ACSF3: variants seen among roughly 807,000 people sequenced by gnomAD.
The protein encoded by ACSF3 is malonate--CoA ligase ACSF3, mitochondrial.
In ACSF3, 78 loss-of-function variants were observed where a neutral mutation model predicts 53.2. The ratio of observed to expected loss-of-function variants is 1.47; its 90% CI spans 1.22 to 1.77. The LOEUF (loss-of-function observed/expected upper bound fraction) is 1.77, where lower values mean the gene tolerates loss of function less well. Ranked by LOEUF, ACSF3 falls within the 40% of genes most tolerant of loss-of-function variation. The probability of loss-of-function intolerance (pLI) is 0.00; values close to 1 mark genes in which losing one functional copy is unlikely to be tolerated. For missense variants in ACSF3, 937 were observed against 771.1 expected (o/e 1.22, Z -2.55); for synonymous variants, 414 against 333.1 (o/e 1.24, Z -2.65).
intron 1 of ACSF3, among the ~76,000 whole-genome samples, chr16:89,094,570 G>C (rs1475621131): frequency 6.6e-6 from 1 of 152,194 alleles, no homozygotes; most frequent in African/African-American, 2.4e-5. Context: ...GGTGCAGTCA[G>C]GAGTTGATGT....
chr16:89,100,547 T>C (rs1272733099), intron 2 of ACSF3, 115 bp from the exon 3 acceptor site: 3 of 1,058,824 alleles, frequency 2.8e-6, no homozygotes, highest in Non-Finnish European at 4.1e-6. Context: ...GCCTCATGAC[T>C]GAAGGTGCAG....
chr16:89,101,408 G>C (rs1463556708), intron 3 of ACSF3, 61 bp downstream of exon 3: 2 of 1,547,802 alleles, frequency 1.3e-6, no homozygotes, highest in Admixed American at 2.0e-5. Flanking sequence ...GGTGGGCTCC[G>C]GGCCAGAAGC....
intron 8 of ACSF3, among the ~76,000 whole-genome samples, chr16:89,134,488 G>A (rs1224603484): frequency 6.6e-6 from 1 of 152,192 alleles, no homozygotes; most frequent in Non-Finnish European, 1.5e-5. Context: ...TCAGCGGCGG[G>A]TCTGCAACGG....
At position 89,119,804 on chromosome 16, in the gene ACSF3, G is replaced by A. The variant is rs929214716; in HGVS notation, c.1127-997G>A. Among the ~76,000 whole-genome samples the A allele has an allele frequency of 1.4e-3, 219 of 152,296 alleles. 2 individuals carry two copies. Among genetic ancestry groups the A allele is most frequent in the African/African-American group, 4.8e-3 (201 of 41,570 alleles). ...GATCAGCAAGACCGAGCCGGGCACCGACAGCCCCTCACCAAGCGTCTGGAG... is the reference window on the plus strand; with the variant it reads ...GATCAGCAAGACCGAGCCGGGCACCAACAGCCCCTCACCAAGCGTCTGGAG... On this transcript the variant is annotated intron_variant, in intron 6 of 10. Coordinates refer to ENST00000614302, the MANE Select transcript of ACSF3 (RefSeq NM_001243279.3).
At chr16:89,149,466 G>A (rs1913706843) in intron 10 of ACSF3, 1 of 152,240 alleles carries the variant, frequency 6.6e-6, no homozygotes, top group African/African-American at 2.4e-5. Flanking sequence ...GCCTGCCACA[G>A]AAGGCACCCA....
intron 7 of ACSF3, among the ~76,000 whole-genome samples, chr16:89,127,391 G>T (rs931022915): frequency 6.6e-6 from 1 of 152,032 alleles, no homozygotes; most frequent in Non-Finnish European, 1.5e-5. Flanking sequence ...GGGGGATAAG[G>T]TCTCGTTCTG....
rs968755021 is a variant in ACSF3, at chr16:89,098,646, A to T, written c.-138A>T. 4 of 453,952 alleles carry T rather than the reference A, an allele frequency of 8.8e-6. No homozygotes were observed. Among genetic ancestry groups the T allele is most frequent in the East Asian group, 6.9e-5 (1 of 14,406 alleles). The allele number at this position is 453,952 out of a possible 1,614,324, so 28.1% of individuals were successfully genotyped here. On this transcript the variant is annotated 5_prime_UTR_variant, in exon 2 of 11. It removes an upstream start codon present in the reference 5' UTR. Transcript: ENST00000614302. ...CAGGCCTGGTGCCTGCCCCAGGAGG[A>T]TGAGCATTTGCATTGCCTGCACCTT...
Position 89,146,028 on chromosome 16 carries a change from G to T in ACSF3, c.1592G>T (p.Arg531Met). 1 of 1,613,478 alleles carries T rather than the reference G, an allele frequency of 6.2e-7. No individual in the cohort carries two copies. Among genetic ancestry groups the T allele is most frequent in the South Asian group, 1.1e-5 (1 of 91,002 alleles). The change falls in exon 10 of 11, where the codon AGG (arginine) becomes ATG (methionine). Residue 531 changes from arginine (R) to methionine (M), a missense_variant. Transcript: ENST00000614302. The part of the protein sequence containing the change: ...TLREGHSLSH[R>M]ELKEWARNVL... The stretch of plus-strand genomic sequence containing the variant: ...CGAGAAGGACACTCACTGTCCCACA[G>T]GGAGCTCAAAGAGTGGGCCAGGTAG...
chr16:89,103,707 G>A (rs900442856), intron 4 of ACSF3, among the ~76,000 whole-genome samples: 10 of 152,252 alleles, frequency 6.6e-5, no homozygotes, highest in Non-Finnish European at 1.2e-4. Flanking sequence ...CTGGAGAGCT[G>A]CTTGCTGCGG....
intron 1 of ACSF3, among the ~76,000 whole-genome samples, chr16:89,097,341 A>G (rs1018175331): frequency 1.4e-4 from 22 of 152,192 alleles, no homozygotes; most frequent in African/African-American, 5.3e-4. Context: ...GCTACACACA[A>G]TGACAGGCAC....
intron 7 of ACSF3, among the ~76,000 whole-genome samples, chr16:89,131,800 T>C (rs978638211): frequency 1.3e-5 from 2 of 152,244 alleles, no homozygotes; most frequent in African/African-American, 4.8e-5. Context: ...GTGGAAAAAT[T>C]CACGAAATTC....
intron 10 of ACSF3, chr16:89,152,929 G>A (rs1232072596): frequency 2.6e-5 from 4 of 152,138 alleles, no homozygotes; most frequent in African/African-American, 9.7e-5. Context: ...TGGAGGTCGA[G>A]GTTGACAGCG....
At position 89,100,948 on chromosome 16, in the gene ACSF3, C is replaced by A; in HGVS notation, c.267C>A (p.Val89=). 1 of 1,613,670 alleles carries A rather than the reference C, an allele frequency of 6.2e-7. No individual in the cohort carries two copies. The highest frequency in any genetic ancestry group is 8.5e-7 in the Non-Finnish European group (1 of 1,180,006). The change falls in exon 3 of 11, where the codon GTC becomes GTA. Residue 89 remains valine (V), a synonymous_variant. Coordinates refer to ENST00000614302, the MANE Select transcript of ACSF3 (RefSeq NM_001243279.3). ...SQEICRLCGC[V]GGDLREERVS... Reference sequence around the variant, plus strand: ...AGATCTGCAGGCTCTGCGGGTGTGTCGGCGGGGACCTCCGGGAGGAGAGGG... The same window carrying A: ...AGATCTGCAGGCTCTGCGGGTGTGTAGGCGGGGACCTCCGGGAGGAGAGGG...
intron 6 of ACSF3, among the ~76,000 whole-genome samples, chr16:89,117,605 C>T (rs1004074752): frequency 6.6e-6 from 1 of 150,442 alleles, no homozygotes; most frequent in Non-Finnish European, 1.5e-5. Context: ...ACACTGAGAG[C>T]GTCAGGAGCA....
chr16:89,133,252 G>A lies in ACSF3; in HGVS notation c.1356G>A (p.Trp452Ter). Residue 452 changes from tryptophan (W) to a stop codon, truncating the protein, a stop_gained, in exon 8 of 11, where the codon TGG becomes TGA. Transcript: ENST00000614302. LOFTEE classifies it high-confidence loss of function. ...ETKSAFTLDG[W>*]FKTGDTVVFK... ...AGAGTGCATTCACCCTGGATGGCTG[G>A]TTTAAGACAGGTAGGACCCAGCCCC... 1 of 1,614,082 alleles carries A rather than the reference G, an allele frequency of 6.2e-7. No individual in the cohort carries two copies. The highest frequency in any genetic ancestry group is 8.5e-7 in the Non-Finnish European group (1 of 1,179,974).
intron 7 of ACSF3, among the ~76,000 whole-genome samples, chr16:89,126,337 C>T (rs1221871999): frequency 1.3e-5 from 2 of 152,062 alleles, no homozygotes; most frequent in Admixed American, 6.6e-5. Context: ...GGTACGATCT[C>T]AGCTCACTGC....
At chr16:89,126,729 T>TA (rs1197694896) in intron 7 of ACSF3, among the ~76,000 whole-genome samples, 2 of 152,260 alleles carry the variant, frequency 1.3e-5, no homozygotes, top group African/African-American at 4.8e-5. Context: ...TTTCTACAAA[T>TA]ACAATCATGT....
At chr16:89,141,032 A>T in intron 8 of ACSF3, 5 of 1,246,614 alleles carry the variant, frequency 4.0e-6, no homozygotes, top group Non-Finnish European at 5.2e-6. Flanking sequence ...ATGGAAAGTA[A>T]AGGTTATTTA....
intron 4 of ACSF3, among the ~76,000 whole-genome samples, chr16:89,109,793 C>A (rs1159424465): frequency 1.3e-5 from 2 of 152,118 alleles, no homozygotes; most frequent in African/African-American, 4.8e-5. Flanking sequence ...CCCTATGTTG[C>A]CCAGGCTGGC....
Sources: gnomAD v4.1 joint callset for allele counts (sites outside exome capture counted in the v4.1 genomes callset) on GRCh38, gnomAD v4.1.1 for gene constraint, MANE v1.5 for transcripts, NCBI Gene and HGNC (gene_info 2026-07-23, HGNC 2026-07-21) for gene names.